Variants in DIXDC1 observed in about 807,000 individuals in gnomAD.
The protein encoded by DIXDC1 is dixin.
Under a neutral mutation model 103.1 loss-of-function variants are expected in DIXDC1, and 64 were observed. That is an observed-to-expected ratio of 0.62 (90% CI 0.51 to 0.76). The LOEUF is 0.76. Among genes scored for constraint, DIXDC1 ranks in the 30% least tolerant of loss-of-function variants. DIXDC1 has a pLI of 0.00. For synonymous variants in DIXDC1, 266 were observed against 298.5 expected (o/e 0.89, Z 1.12); for missense variants, 759 against 834.2 (o/e 0.91, Z 1.11).
chr11:111,980,272 C>G (rs1555173095), intron 5 of DIXDC1, among the ~76,000 whole-genome samples: 1 of 152,166 alleles, frequency 6.6e-6, no homozygotes, highest in Admixed American at 6.5e-5. Context: ...GATAACTTGG[C>G]TGGTATTGCC....
chr11:112,022,382 A>T lies in DIXDC1; in HGVS notation c.*3346A>T, dbSNP rs1861786219. The stretch of plus-strand genomic sequence containing the variant: ...TGTAAAGTTATATTTTCTTAGAAAC[A>T]TGGATGTTTACAGCCATTGCTTTCA... On this transcript the variant is annotated 3_prime_UTR_variant, in exon 20 of 20. Coordinates refer to ENST00000440460, the MANE Select transcript of DIXDC1 (RefSeq NM_001037954.4). This position sits in a 1 kb window ranked among gnomAD's most constrained non-coding sequence, Gnocchi z 4.9. The T allele has an allele frequency of 6.6e-6, 1 of 152,494 alleles. No homozygotes were observed. The highest frequency in any genetic ancestry group is 2.4e-5 in the African/African-American group (1 of 41,470). The allele number at this position is 152,494 out of a possible 1,614,324, so 9.4% of individuals were successfully genotyped here.
intron 1 of DIXDC1, among the ~76,000 whole-genome samples, chr11:111,959,519 A>G (rs2137495774): frequency 6.6e-6 from 1 of 152,260 alleles, no homozygotes; most frequent in Admixed American, 6.5e-5. Flanking sequence ...TCACTTGATC[A>G]CACACCCCTT....
In DIXDC1 at chr11:111,995,431, C is replaced by T. The variant is rs1056341835; in HGVS notation, c.1556C>T (p.Ala519Val). 1 of 1,613,292 alleles carries T rather than the reference C, an allele frequency of 6.2e-7. No individual in the cohort carries two copies. The highest frequency in any genetic ancestry group is 1.7e-5 in the Admixed American group (1 of 60,030). The change falls in exon 16 of 20, where the codon GCT becomes GTT. Residue 519 changes from alanine (A) to valine (V), a missense_variant. Physicochemically the swap from Ala to Val is moderately conservative, Grantham distance 64. Around this residue, in one of 3 missense-constraint regions of DIXDC1, gnomAD observed 657 missense variants for 727.5 expected, o/e 0.90. Coordinates refer to ENST00000440460, the MANE Select transcript of DIXDC1 (RefSeq NM_001037954.4). ...AGCGACCTGCAGCTTGTTCGAGATG[C>T]TCTCCGCAGCCTGCGCAACAGCTTC... The part of the protein sequence containing the change: ...GTSDLQLVRD[A>V]LRSLRNSFSG...
At chr11:111,990,171 A>G (rs1329409932) in intron 10 of DIXDC1, among the ~76,000 whole-genome samples, 34 of 147,714 alleles carry the variant, frequency 2.3e-4, no homozygotes, top group Non-Finnish European at 4.7e-4. Context: ...GCTTACTGCA[A>G]TCTCCGCCTC....
chr11:111,975,243 G>C lies in DIXDC1; in HGVS notation c.656+260G>C. The C allele has an allele frequency of 6.3e-6, 8 of 1,264,434 alleles. No homozygotes were observed. The South Asian group carries it at 1.3e-4, about 21-fold the overall frequency. 78.3% of individuals were successfully genotyped at this position (1,264,434 alleles called of 1,614,324 possible). On this transcript the variant is annotated intron_variant, in intron 5 of 19. Coordinates refer to ENST00000440460, the MANE Select transcript of DIXDC1 (RefSeq NM_001037954.4). The stretch of plus-strand genomic sequence containing the variant: ...AGTGCTTAACTGTGACCACATGGGG[G>C]CATGGCTGGAACCTGTCAGGGCCCA...
intron 1 of DIXDC1, among the ~76,000 whole-genome samples, chr11:111,929,401 A>T (rs1426187011): frequency 6.6e-6 from 1 of 151,966 alleles, no homozygotes; most frequent in Non-Finnish European, 1.5e-5. Context: ...TAGTATTAAT[A>T]CCTAAGCAAC....
chr11:111,995,498 G>A lies in DIXDC1; in HGVS notation c.1623G>A (p.Glu541=), dbSNP rs1860868412. ...DPQHHTIDSL[E]QGISSLMERL... is the part of the protein sequence containing the mutation. ...AGCACCACACTATTGACAGCTTGGA[G>A]CAGGGCATTTCTAGCCTCATGGAGC... Residue 541 remains glutamate, a synonymous_variant, in exon 16 of 20, where the codon GAG becomes GAA. Coordinates refer to ENST00000440460, the MANE Select transcript of DIXDC1 (RefSeq NM_001037954.4). The A allele has an allele frequency of 6.2e-7, 1 of 1,613,996 alleles. No homozygotes were observed. Among genetic ancestry groups the A allele is most frequent in the South Asian group, 1.1e-5 (1 of 91,084 alleles).
At position 111,977,532 on chromosome 11, in the gene DIXDC1, G is replaced by A. The variant is rs587725627; in HGVS notation, c.656+2549G>A. ...GGGCTGCTGCACAGTCTGAGCGGCC[G>A]GGACTGCGCGCTTCAGAGCCTGGAG... On this transcript the variant is annotated intron_variant, in intron 5 of 19. Coordinates refer to ENST00000440460, the MANE Select transcript of DIXDC1 (RefSeq NM_001037954.4). This position sits in a 1 kb window ranked among gnomAD's most constrained non-coding sequence, Gnocchi z 6.1. 1,090 of 1,425,670 alleles carry A rather than the reference G, an allele frequency of 7.6e-4. 6 individuals are homozygous for A. The African/African-American group carries it at 0.013, about 18-fold the overall frequency. The allele number at this position is 1,425,670 out of a possible 1,614,324, so 88.3% of individuals were successfully genotyped here. A position where few individuals can be genotyped will look rare whatever the true frequency, so the allele number is the denominator to read the frequency against.
intron 10 of DIXDC1, among the ~76,000 whole-genome samples, chr11:111,991,362 T>A (rs1194618486): frequency 6.6e-6 from 1 of 152,214 alleles, no homozygotes; most frequent in Non-Finnish European, 1.5e-5. Context: ...TGTAACATCA[T>A]GTGGCACATT....
intron 1 of DIXDC1, among the ~76,000 whole-genome samples, chr11:111,954,896 GTAAA>G (rs1413522382): frequency 2.0e-5 from 3 of 151,786 alleles, no homozygotes; most frequent in East Asian, 3.9e-4. Context: ...AATTATGTAT[GTAAA>G]TATATATATA....
chr11:111,977,685 T>G lies in DIXDC1; in HGVS notation c.656+2702T>G. On this transcript the variant is annotated intron_variant, in intron 5 of 19. Transcript: ENST00000440460. The surrounding 1 kb of genome is among the most constrained non-coding windows in gnomAD (Gnocchi z 6.1). ...TTTCCAGCCCCAGCGCGGGGAGACA[T>G]GCCTGAATTTGGGAGCGATGTGACT... 1 of 1,545,914 alleles carries G rather than the reference T, an allele frequency of 6.5e-7. No homozygotes were observed. The highest frequency in any genetic ancestry group is 8.7e-7 in the Non-Finnish European group (1 of 1,144,144).
chr11:111,949,197 G>A (rs1286722825), intron 1 of DIXDC1, among the ~76,000 whole-genome samples: 2 of 152,022 alleles, frequency 1.3e-5, no homozygotes, highest in Non-Finnish European at 2.9e-5. Flanking sequence ...AACTTATCTA[G>A]ATACTCTCAA....
At chr11:112,002,094 G>C (rs116127260) in intron 17 of DIXDC1, among the ~76,000 whole-genome samples, 2,151 of 152,102 alleles carry the variant, frequency 0.014, 47 homozygotes, top group African/African-American at 0.05. Context: ...TGAGAAGACA[G>C]TATAGGAACC....
At chr11:111,999,441 A>T (rs1231420442) in intron 17 of DIXDC1, among the ~76,000 whole-genome samples, 1 of 152,248 alleles carries the variant, frequency 6.6e-6, no homozygotes, top group Non-Finnish European at 1.5e-5. Flanking sequence ...CTCAGACTAT[A>T]GATCAGTGAC....
At chr11:111,993,835 T>G in intron 14 of DIXDC1, 95 bp downstream of exon 14, 2 of 1,399,362 alleles carry the variant, frequency 1.4e-6, no homozygotes, top group South Asian at 2.5e-5. Flanking sequence ...ACAGGCTTGT[T>G]TGTTAGGAGG....
At chr11:111,991,763 A>T (rs892456645) in intron 10 of DIXDC1, among the ~76,000 whole-genome samples, 18 of 152,222 alleles carry the variant, frequency 1.2e-4, no homozygotes, top group African/African-American at 4.3e-4. Flanking sequence ...AAGAACAGTT[A>T]TGCTCAGTGG....
At chr11:111,982,308 A>G (rs1385832654) in intron 6 of DIXDC1, 31 bp from the exon 7 acceptor site, 18 of 1,600,946 alleles carry the variant, frequency 1.1e-5, no homozygotes, top group Middle Eastern at 1.7e-4. Flanking sequence ...TTTCTTCAAC[A>G]TGAACTGTAC....
At chr11:111,974,469 T>A (rs1336907802) in intron 4 of DIXDC1, 3 of 576,456 alleles carry the variant, frequency 5.2e-6, no homozygotes, top group African/African-American at 3.7e-5. Context: ...AGTAAAGGAA[T>A]CTTATGTGTA....
chr11:111,968,738 T>C (rs1859815774), intron 3 of DIXDC1, 100 bp downstream of exon 3: 12 of 1,230,256 alleles, frequency 9.8e-6, no homozygotes, highest in Non-Finnish European at 1.3e-5. Context: ...AGATAGAAAG[T>C]CTCCATTCAT....
Sources: gnomAD v4.1 joint callset for allele counts (sites outside exome capture counted in the v4.1 genomes callset) on GRCh38, gnomAD v4.1.1 for gene constraint, gnomAD v4.1.1 regional missense constraint, Gnocchi (gnomAD v3.1) non-coding constraint, MANE v1.5 for transcripts, NCBI Gene and HGNC (gene_info 2026-07-23, HGNC 2026-07-21) for gene names.